PHACTR3: variants seen among roughly 807,000 people sequenced by gnomAD.
PHACTR3 encodes phosphatase and actin regulator 3.
Under a neutral mutation model 66.8 loss-of-function variants are expected in PHACTR3, and 16 were observed. The ratio of observed to expected loss-of-function variants is 0.24; its 90% CI spans 0.16 to 0.36. The LOEUF (loss-of-function observed/expected upper bound fraction) is 0.36, where lower values mean the gene tolerates loss of function less well. Ranked by LOEUF, PHACTR3 falls within the 10% of genes least tolerant of loss-of-function variation. PHACTR3 has a pLI of 1.00. For synonymous variants in PHACTR3, 323 were observed against 292.1 expected, an observed-to-expected ratio of 1.11 and a Z score of -1.08; for missense variants, 647 against 719.9, an observed-to-expected ratio of 0.90 and a Z score of 1.16.
intron 7 of PHACTR3, among the ~76,000 whole-genome samples, chr20:59,784,615 C>T (rs6027106): frequency 9.2e-5 from 14 of 152,074 alleles, no homozygotes; most frequent in Admixed American, 9.2e-4. Flanking sequence ...AGTGTGAGAC[C>T]TAGGGACTGG....
At chr20:59,634,319 A>G (rs1208693790) in intron 1 of PHACTR3, among the ~76,000 whole-genome samples, 1 of 152,198 alleles carries the variant, frequency 6.6e-6, no homozygotes, top group East Asian at 1.9e-4. Context: ...TCACCTCTCC[A>G]ACTCCGTTCC....
chr20:59,684,225 T>C (rs1236839719), intron 1 of PHACTR3, among the ~76,000 whole-genome samples: 1 of 152,184 alleles, frequency 6.6e-6, no homozygotes, highest in Non-Finnish European at 1.5e-5. Context: ...TCCTGAATAA[T>C]ATCTTTCTTT....
chr20:59,755,065 A>T, intron 3 of PHACTR3, 117 bp from the exon 4 acceptor site: 2 of 969,304 alleles, frequency 2.1e-6, no homozygotes, highest in Non-Finnish European at 1.5e-6. Context: ...TGAGGGGGAG[A>T]GGGGTGGGGG....
intron 1 of PHACTR3, among the ~76,000 whole-genome samples, chr20:59,712,904 T>G (rs1393966739): frequency 6.6e-5 from 10 of 152,266 alleles, no homozygotes; most frequent in African/African-American, 2.4e-4. Context: ...ATATTTACTC[T>G]TGAAAAATGA....
chr20:59,631,945 G>A (rs2034680410), intron 1 of PHACTR3, among the ~76,000 whole-genome samples: 1 of 152,162 alleles, frequency 6.6e-6, no homozygotes, highest in South Asian at 2.1e-4. Context: ...GCCTGTGGTA[G>A]CCTCTGTCCT....
chr20:59,807,344 G>A (rs2041599930), intron 8 of PHACTR3, among the ~76,000 whole-genome samples: 1 of 152,130 alleles, frequency 6.6e-6, no homozygotes, highest in African/African-American at 2.4e-5. Flanking sequence ...CCTGCACAGG[G>A]TCAGAACCAT....
chr20:59,612,778 T>C (rs2033896342), intron 1 of PHACTR3, among the ~76,000 whole-genome samples: 1 of 152,168 alleles, frequency 6.6e-6, no homozygotes, highest in Non-Finnish European at 1.5e-5. Flanking sequence ...TACCTGAGAC[T>C]GGGTAATTTA....
chr20:59,618,581 C>G lies in PHACTR3; in HGVS notation c.118+13449C>G, dbSNP rs188573609. Among the ~76,000 whole-genome samples the G allele has an allele frequency of 1.6e-4, 25 of 152,280 alleles. No individual in the cohort carries two copies. The East Asian group carries it at 4.8e-3, about 29-fold the overall frequency. On this transcript the variant is annotated intron_variant, in intron 1 of 12. Coordinates refer to ENST00000371015, the MANE Select transcript of PHACTR3 (RefSeq NM_080672.5). ...TGCAGGAGAGGAGGCTCAATCTCAG[C>G]TTGGAAGGGAAGGGCAGGAGAGGGA...
chr20:59,650,187 T>C (rs1008440826), intron 1 of PHACTR3, among the ~76,000 whole-genome samples: 4 of 152,180 alleles, frequency 2.6e-5, no homozygotes, highest in African/African-American at 9.7e-5. Context: ...AATTCAAAAA[T>C]TCAGAGAAAA....
intron 1 of PHACTR3, among the ~76,000 whole-genome samples, chr20:59,671,113 T>C (rs1355545251): frequency 1.3e-5 from 2 of 152,006 alleles, no homozygotes; most frequent in Non-Finnish European, 2.9e-5. Flanking sequence ...TATTCTGAGC[T>C]TTTTTTTCTT....
At chr20:59,639,941 C>T (rs1479420341) in intron 1 of PHACTR3, among the ~76,000 whole-genome samples, 62 of 152,224 alleles carry the variant, frequency 4.1e-4, no homozygotes, top group Admixed American at 6.5e-5. Context: ...CATGATGCCC[C>T]TAGGCCGACA....
chr20:59,726,433 TG>T (rs1164369237), intron 1 of PHACTR3, among the ~76,000 whole-genome samples: 1 of 152,142 alleles, frequency 6.6e-6, no homozygotes, highest in Non-Finnish European at 1.5e-5. Flanking sequence ...CCCATGACAC[TG>T]GGCCTCCTCG....
intron 1 of PHACTR3, among the ~76,000 whole-genome samples, chr20:59,729,160 G>A (rs1016464643): frequency 6.6e-6 from 1 of 152,080 alleles, no homozygotes; most frequent in South Asian, 2.1e-4. Flanking sequence ...AGGGTAAGGC[G>A]GGGTCAGGGG....
intron 3 of PHACTR3, among the ~76,000 whole-genome samples, chr20:59,751,157 G>T (rs2039564407): frequency 6.6e-6 from 1 of 152,218 alleles, no homozygotes. Flanking sequence ...ACTCTCCAGG[G>T]TGAGGAGCAG....
chr20:59,680,855 G>C (rs558080067), intron 1 of PHACTR3, among the ~76,000 whole-genome samples: 19 of 152,288 alleles, frequency 1.2e-4, no homozygotes, highest in African/African-American at 4.3e-4. Context: ...CAGATGTTGT[G>C]GTAGATAGGA....
chr20:59,787,085 C>G (rs2040941118), intron 7 of PHACTR3, among the ~76,000 whole-genome samples: 1 of 152,230 alleles, frequency 6.6e-6, no homozygotes, highest in Non-Finnish European at 1.5e-5. Flanking sequence ...TATTCTGTTG[C>G]AAAACCATGT....
chr20:59,774,506 C>T lies in PHACTR3; in HGVS notation c.1174+16C>T, dbSNP rs1307682511. ...ATTATTTCTGGTGAGGAAAGGATGG[C>T]CCATTAAGTGTGGGGATCTCGGCCA... On this transcript the variant is annotated intron_variant, in intron 7 of 12. Coordinates refer to ENST00000371015, the MANE Select transcript of PHACTR3 (RefSeq NM_080672.5). The T allele has an allele frequency of 1.2e-6, 2 of 1,610,200 alleles. No individual in the cohort carries two copies. Among genetic ancestry groups the T allele is most frequent in the East Asian group, 2.2e-5 (1 of 44,858 alleles).
In PHACTR3 at chr20:59,763,650, T is replaced by C. The variant is rs572385671; in HGVS notation, c.542-3536T>C. 2.0e-4 allele frequency among the ~76,000 whole-genome samples: 30 copies of C among 152,262 alleles called. 1 individual carries two copies. The highest frequency in any genetic ancestry group is 6.8e-3 in the Middle Eastern group (2 of 294). On this transcript the variant is annotated intron_variant, in intron 4 of 12. Coordinates refer to ENST00000371015, the MANE Select transcript of PHACTR3 (RefSeq NM_080672.5). ...GTCCAGGGTTAACAGAGAAATGGAA[T>C]CAGTTCTGAAGCCAAAGGAGTGGAT...
chr20:59,809,767 T>C (rs1446793869), intron 8 of PHACTR3, among the ~76,000 whole-genome samples: 1 of 152,154 alleles, frequency 6.6e-6, no homozygotes, highest in Non-Finnish European at 1.5e-5. Context: ...CCACCCCTAC[T>C]CAGTTCAGGC....
Sources: gnomAD v4.1 joint callset for allele counts (sites outside exome capture counted in the v4.1 genomes callset) on GRCh38, gnomAD v4.1.1 for gene constraint, MANE v1.5 for transcripts, NCBI Gene and HGNC (gene_info 2026-07-23, HGNC 2026-07-21) for gene names.